The following WDPCP variants were observed in gnomAD, a reference collection of about 807,000 sequenced individuals.
WDPCP encodes WD repeat-containing and planar cell polarity effector protein fritz homolog.
In WDPCP, 71 loss-of-function variants were observed where a neutral mutation model predicts 93.1. The observed-to-expected ratio is 0.76, with a 90% CI of 0.63 to 0.93. The LOEUF is 0.93. Ranked by LOEUF, WDPCP falls within the 40% of genes least tolerant of loss-of-function variation. The probability of loss-of-function intolerance (pLI) is 0.00; values close to 1 mark genes in which losing one functional copy is unlikely to be tolerated. For missense variants in WDPCP, 844 were observed against 887.4 expected (o/e 0.95, Z 0.62); for synonymous variants, 315 against 315.0 (o/e 1.00, Z 0.00).
At chr2:63,811,201 T>C (rs190684727) in intron 2 of WDPCP, among the ~76,000 whole-genome samples, 25 of 152,334 alleles carry the variant, frequency 1.6e-4, no homozygotes, top group African/African-American at 5.5e-4. Context: ...CCCATGATCT[T>C]TGCCTCTTGG....
chr2:63,777,349 C>G (rs900173042), intron 2 of WDPCP, among the ~76,000 whole-genome samples: 4 of 152,202 alleles, frequency 2.6e-5, no homozygotes, highest in African/African-American at 9.7e-5. Context: ...CTGGAACTCT[C>G]TGCAGCTGAT....
At position 63,604,784 on chromosome 2, in the gene WDPCP, A is replaced by G. The variant is rs746750935; in HGVS notation, n.488+45875T>C. Reference sequence around the variant, plus strand: ...TCCTCGACTCAGTATCCAGATGTCAACCATGCCAAGGTGAAATTGCAAGGA... The same window carrying G: ...TCCTCGACTCAGTATCCAGATGTCAGCCATGCCAAGGTGAAATTGCAAGGA... On this transcript the variant is annotated intron_variant and non_coding_transcript_variant, in intron 3 of 4. Transcript: ENST00000467687. 2.5e-6 allele frequency: 4 copies of G among 1,614,048 alleles called. No homozygotes were observed. The African/African-American group carries it at 4.0e-5, about 16-fold the overall frequency.
chr2:63,246,601 C>T (rs1258621898), intron 14 of WDPCP, among the ~76,000 whole-genome samples: 2 of 152,092 alleles, frequency 1.3e-5, no homozygotes, highest in Non-Finnish European at 2.9e-5. Context: ...TGAAGGATGC[C>T]ACATGTGCTG....
chr2:63,588,988 C>G, upstream of WDPCP: 1 of 1,613,976 alleles, frequency 6.2e-7, no homozygotes, highest in Non-Finnish European at 8.5e-7. Context: ...TAGAGGTGAC[C>G]TGACTCTCTG....
At chr2:63,304,797 C>T (rs974955055) in intron 13 of WDPCP, among the ~76,000 whole-genome samples, 14 of 152,108 alleles carry the variant, frequency 9.2e-5, no homozygotes, top group African/African-American at 3.4e-4. Flanking sequence ...GCCAGGTGGT[C>T]TAGCTCAGCG....
intron 15 of WDPCP, among the ~76,000 whole-genome samples, chr2:63,161,665 A>C (rs987005817): frequency 6.6e-6 from 1 of 152,210 alleles, no homozygotes; most frequent in African/African-American, 2.4e-5. Context: ...TGACAATATA[A>C]TTTGACTAAA....
At chr2:63,742,777 C>T (rs969486828) in intron 2 of WDPCP, among the ~76,000 whole-genome samples, 8 of 150,476 alleles carry the variant, frequency 5.3e-5, no homozygotes, top group Non-Finnish European at 7.4e-5. Context: ...ATCTGGGTAA[C>T]GTGCCAAGCA....
At position 63,437,406 on chromosome 2, in the gene WDPCP, A is replaced by C; in HGVS notation, c.633+15T>G. 1.3e-6 allele frequency: 2 copies of C among 1,580,436 alleles called. No individual in the cohort carries two copies. The highest frequency in any genetic ancestry group is 1.7e-6 in the Non-Finnish European group (2 of 1,157,634). On this transcript the variant is annotated intron_variant, in intron 8 of 17. Coordinates refer to ENST00000272321, the MANE Select transcript of WDPCP (RefSeq NM_015910.7). ...TAATAATTAATAATATGACTATATAAATCAAAATCTCTACCTTATAATCCA... is the reference window on the plus strand; with the variant it reads ...TAATAATTAATAATATGACTATATACATCAAAATCTCTACCTTATAATCCA...
intron 14 of WDPCP, among the ~76,000 whole-genome samples, chr2:63,185,839 T>G (rs934693542): frequency 6.6e-6 from 1 of 152,156 alleles, no homozygotes; most frequent in African/African-American, 2.4e-5. Context: ...TTGGGTTTTA[T>G]CCTCAGCCTG....
At chr2:63,322,379 C>T (rs1193507659) in intron 12 of WDPCP, among the ~76,000 whole-genome samples, 1 of 152,184 alleles carries the variant, frequency 6.6e-6, no homozygotes, top group Non-Finnish European at 1.5e-5. Flanking sequence ...GCTGTGGAAG[C>T]TTTGTTCTTT....
chr2:63,422,265 C>T (rs1040868795), intron 9 of WDPCP, among the ~76,000 whole-genome samples: 1 of 152,178 alleles, frequency 6.6e-6, no homozygotes, highest in African/African-American at 2.4e-5. Context: ...TGAGGCCATA[C>T]AAAAAGAACA....
intron 14 of WDPCP, among the ~76,000 whole-genome samples, chr2:63,197,794 G>C (rs1230900410): frequency 1.3e-5 from 2 of 152,140 alleles, no homozygotes; most frequent in African/African-American, 4.8e-5. Context: ...GTTGCTGCAA[G>C]ACCTCCTTTT....
chr2:63,418,551 G>A (rs1353102278), intron 9 of WDPCP, among the ~76,000 whole-genome samples: 1 of 152,084 alleles, frequency 6.6e-6, no homozygotes, highest in Non-Finnish European at 1.5e-5. Context: ...CCTGTCTTCA[G>A]GTACTTCCTA....
chr2:63,196,831 C>T (rs1329721733), intron 14 of WDPCP, among the ~76,000 whole-genome samples: 1 of 151,994 alleles, frequency 6.6e-6, no homozygotes, highest in South Asian at 2.1e-4. Context: ...GTAGTCAGAC[C>T]ATGAGGAAGA....
chr2:63,295,069 G>C (rs1283685811), intron 13 of WDPCP, among the ~76,000 whole-genome samples: 1 of 151,956 alleles, frequency 6.6e-6, no homozygotes, highest in African/African-American at 2.4e-5. Context: ...AAATTAACCA[G>C]GTGTAAATCC....
intron 1 of WDPCP, among the ~76,000 whole-genome samples, chr2:63,505,700 A>G (rs554946032): frequency 1.3e-5 from 2 of 152,108 alleles, no homozygotes; most frequent in Non-Finnish European, 2.9e-5. Flanking sequence ...AATGAGTCTG[A>G]TCTCAAAAAT....
chr2:63,206,269 T>G (rs114527754), intron 14 of WDPCP, among the ~76,000 whole-genome samples: 4,000 of 152,280 alleles, frequency 0.026, 85 homozygotes, highest in Non-Finnish European at 0.037. Flanking sequence ...ATCAGAGATA[T>G]TCACCAGTTG....
chr2:63,141,084 CT>C lies in WDPCP; in HGVS notation c.2190+11829del, dbSNP rs775802578. Among the ~76,000 whole-genome samples the C allele has an allele frequency of 7.2e-3, 1,043 of 144,546 alleles. 9 individuals are homozygous for C. Among genetic ancestry groups the C allele is most frequent in the African/African-American group, 0.02 (816 of 39,900 alleles). 94.8% of individuals were successfully genotyped at this position (144,546 alleles called of 152,430 possible). A position where few individuals can be genotyped will look rare whatever the true frequency, so the allele number is the denominator to read the frequency against. ...TATTGAGATGATCATGTGATTTTTA[CT>C]TTTTTTTTTTTTGAGACAGAGTCTC... On this transcript the variant is annotated intron_variant, in intron 17 of 17. Transcript: ENST00000272321.
chr2:63,356,625 C>G (rs1229146931), intron 12 of WDPCP, among the ~76,000 whole-genome samples: 2 of 152,146 alleles, frequency 1.3e-5, no homozygotes, highest in Non-Finnish European at 2.9e-5. Flanking sequence ...GAATATCGCT[C>G]AAAACCATGC....
Sources: allele counts gnomAD v4.1 joint callset (sites outside exome capture counted in the v4.1 genomes callset), GRCh38; gene constraint gnomAD v4.1.1; transcripts MANE v1.5; gene names NCBI Gene and HGNC (gene_info 2026-07-23, HGNC 2026-07-21).